The following KLHL5 variants were observed in gnomAD, a reference collection of about 807,000 sequenced individuals.
The protein encoded by KLHL5 is kelch like family member 5, also known as kelch-like protein 5.
Under a neutral mutation model 77.7 loss-of-function variants are expected in KLHL5, and 48 were observed. The ratio of observed to expected loss-of-function variants is 0.62; its 90% CI spans 0.49 to 0.79. The LOEUF is 0.79. Among genes scored for constraint, KLHL5 ranks in the 30% least tolerant of loss-of-function variants. KLHL5 has a pLI of 0.00. For synonymous variants in KLHL5, 260 were observed against 297.0 expected (o/e 0.88, Z 1.28); for missense variants, 723 against 859.7 (o/e 0.84, Z 1.99).
chr4:39,128,089 G>C (rs903050310), downstream of KLHL5, among the ~76,000 whole-genome samples: 2 of 152,124 alleles, frequency 1.3e-5, no homozygotes, highest in Non-Finnish European at 2.9e-5. Flanking sequence ...ATCCTATACA[G>C]TAATAGATGA....
chr4:39,113,315 G>C (rs1011500367), intron 9 of KLHL5, 83 bp downstream of exon 9: 38 of 1,127,946 alleles, frequency 3.4e-5, no homozygotes, highest in Non-Finnish European at 4.6e-5. Context: ...GAACGTGTTG[G>C]AGAATTGGAA....
downstream of KLHL5, chr4:39,126,791 AT>A: frequency 2.2e-6 from 1 of 454,034 alleles, no homozygotes; most frequent in Non-Finnish European, 4.4e-6. Context: ...TTCAGAAGTC[AT>A]TAGACTGCCC....
chr4:39,134,577 G>A, the KLHL5 span, among the ~76,000 whole-genome samples: 1 of 152,190 alleles, frequency 6.6e-6, no homozygotes, highest in African/African-American at 2.4e-5. Context: ...CATACTTGAT[G>A]CCAAGATACA....
At chr4:39,056,500 A>G (rs1410089176) in intron 1 of KLHL5, among the ~76,000 whole-genome samples, 1 of 152,248 alleles carries the variant, frequency 6.6e-6, no homozygotes, top group Non-Finnish European at 1.5e-5. Context: ...ATGGTGCTAG[A>G]AATCTTAGTT....
At chr4:39,110,386 T>A (rs185843652) in intron 8 of KLHL5, among the ~76,000 whole-genome samples, 1,561 of 152,218 alleles carry the variant, frequency 0.01, 15 homozygotes, top group Non-Finnish European at 0.01. Flanking sequence ...AATTCTTCAG[T>A]TAAATTGCCC....
At chr4:39,078,618 C>T (rs559071222) in intron 2 of KLHL5, among the ~76,000 whole-genome samples, 1 of 152,092 alleles carries the variant, frequency 6.6e-6, no homozygotes, top group African/African-American at 2.4e-5. Flanking sequence ...TTGCTTGATC[C>T]TGGGAGGCAG....
intron 1 of KLHL5, among the ~76,000 whole-genome samples, chr4:39,051,808 T>TA (rs1560401639): frequency 6.6e-6 from 1 of 152,244 alleles, no homozygotes; most frequent in Non-Finnish European, 1.5e-5. Flanking sequence ...AAAGCTATGC[T>TA]AATTAAAAGA....
At chr4:39,141,998 T>C in the KLHL5 span, among the ~76,000 whole-genome samples, 1 of 152,170 alleles carries the variant, frequency 6.6e-6, no homozygotes, top group Non-Finnish European at 1.5e-5. Flanking sequence ...TAAACAATTA[T>C]TTTTATCTCT....
At chr4:39,076,818 C>T (rs1326590712) in intron 2 of KLHL5, among the ~76,000 whole-genome samples, 1 of 148,668 alleles carries the variant, frequency 6.7e-6, no homozygotes, top group Non-Finnish European at 1.5e-5. Context: ...AAAAACCTTC[C>T]AAAGAGAGAT....
rs551075460 is a variant in KLHL5, at chr4:39,075,097, TGAG to T, written c.384-866_384-864del. Among the ~76,000 whole-genome samples the T allele has an allele frequency of 1.4e-4, 21 of 152,222 alleles. No individual in the cohort carries two copies. In the East Asian group the frequency reaches 4.1e-3, roughly 29 times the overall value. ...CTGTAACCCTAGCACTTTGGGAGGC[TGAG>T]GTGGGCAGATCTCCTGAGGTCAGGA... is the stretch of plus-strand genomic sequence containing the variant. On this transcript the variant is annotated intron_variant, in intron 1 of 10. Coordinates refer to ENST00000504108, the MANE Select transcript of KLHL5 (RefSeq NM_015990.5).
At chr4:39,083,964 T>C (rs1719835840) in intron 4 of KLHL5, among the ~76,000 whole-genome samples, 1 of 152,236 alleles carries the variant, frequency 6.6e-6, no homozygotes, top group African/African-American at 2.4e-5. Context: ...AATTGAATTC[T>C]AATAACAATA....
chr4:39,135,517 CACTGTGCAG>C, the KLHL5 span: 1 of 152,280 alleles, frequency 6.6e-6, no homozygotes, highest in Non-Finnish European at 1.5e-5. Context: ...ACAAAATTAG[CACTGTGCAG>C]ACTGGCGAAG....
At chr4:39,130,346 G>A (rs1010653432), downstream of KLHL5, among the ~76,000 whole-genome samples, 2 of 152,190 alleles carry the variant, frequency 1.3e-5, no homozygotes. Flanking sequence ...GATCGCTCAT[G>A]CTATTGTTTG....
At position 39,123,963 on chromosome 4, in the gene KLHL5, C is replaced by T. The variant is rs67579768; in HGVS notation, c.*2897C>T. Among the ~76,000 whole-genome samples the T allele has an allele frequency of 8.8e-3, 1,339 of 152,102 alleles. 10 individuals carry two copies. Among genetic ancestry groups the T allele is most frequent in the Middle Eastern group, 0.041 (12 of 294 alleles). ...TCCTAAAGAATCCACAAAATGATTC[C>T]GGCTGATTTTAAAAATTCAGCAATG... is the stretch of plus-strand genomic sequence containing the variant. On this transcript the variant is annotated 3_prime_UTR_variant, in exon 11 of 11. Transcript: ENST00000504108.
intron 1 of KLHL5, among the ~76,000 whole-genome samples, chr4:39,068,015 TCTTACTGGTTG>T (rs577949737): frequency 1.1e-4 from 17 of 152,138 alleles, no homozygotes; most frequent in African/African-American, 4.1e-4. Flanking sequence ...TTCTACCCCA[TCTTACTGGTTG>T]CTTGCCTCTC....
intron 1 of KLHL5, among the ~76,000 whole-genome samples, chr4:39,075,212 T>G (rs1195549905): frequency 6.6e-6 from 1 of 151,992 alleles, no homozygotes; most frequent in African/African-American, 2.4e-5. Context: ...AAGCCTGTAA[T>G]CTCAGCTACT....
chr4:39,056,895 T>G (rs1717045381), intron 1 of KLHL5, among the ~76,000 whole-genome samples: 1 of 152,210 alleles, frequency 6.6e-6, no homozygotes, highest in Admixed American at 6.5e-5. Context: ...CTGTAAAATC[T>G]TCAACTTCAA....
intron 1 of KLHL5, among the ~76,000 whole-genome samples, chr4:39,052,221 A>C (rs991033928): frequency 1.3e-5 from 2 of 152,056 alleles, no homozygotes; most frequent in African/African-American, 4.8e-5. Flanking sequence ...CTCAGGTTCA[A>C]GTGATACTCC....
At chr4:39,069,174 C>T (rs759134584) in intron 1 of KLHL5, among the ~76,000 whole-genome samples, 18 of 152,180 alleles carry the variant, frequency 1.2e-4, no homozygotes, top group Non-Finnish European at 2.2e-4. Flanking sequence ...AAACATTAAG[C>T]AAGCGACACA....
Sources: allele counts gnomAD v4.1 joint callset (sites outside exome capture counted in the v4.1 genomes callset), GRCh38; gene constraint gnomAD v4.1.1; transcripts MANE v1.5; gene names NCBI Gene and HGNC (gene_info 2026-07-23, HGNC 2026-07-21).